The following CEP70 variants were observed in gnomAD, a reference collection of about 807,000 sequenced individuals.
CEP70 encodes the protein centrosomal protein of 70 kDa.
Under a neutral mutation model 90.9 loss-of-function variants are expected in CEP70, and 70 were observed. The observed-to-expected ratio is 0.77, with a 90% CI of 0.64 to 0.94. The LOEUF (loss-of-function observed/expected upper bound fraction) is 0.94, where lower values mean the gene tolerates loss of function less well. Ranked by LOEUF, CEP70 falls within the 40% of genes least tolerant of loss-of-function variation. CEP70 has a pLI of 0.00. For missense variants in CEP70, 648 were observed against 669.0 expected, an observed-to-expected ratio of 0.97 and a Z score of 0.35; for synonymous variants, 220 against 228.3, an observed-to-expected ratio of 0.96 and a Z score of 0.33.
At chr3:138,559,363 C>T (rs1321381915) in intron 6 of CEP70, among the ~76,000 whole-genome samples, 1 of 152,178 alleles carries the variant, frequency 6.6e-6, no homozygotes, top group Non-Finnish European at 1.5e-5. Flanking sequence ...TCAAGCTACA[C>T]GCTCAAGAAA....
intron 2 of CEP70, among the ~76,000 whole-genome samples, chr3:138,573,745 T>C (rs934193720): frequency 8.5e-5 from 13 of 152,164 alleles, no homozygotes; most frequent in African/African-American, 3.1e-4. Flanking sequence ...AACAGAAATA[T>C]ATTAGCTGAG....
intron 7 of CEP70, among the ~76,000 whole-genome samples, chr3:138,534,604 GC>G (rs1428815512): frequency 1.3e-5 from 2 of 152,206 alleles, no homozygotes; most frequent in Non-Finnish European, 2.9e-5. Context: ...GAGGAAGCAT[GC>G]AACACTGCCG....
chr3:138,577,236 C>T (rs1160253975), intron 2 of CEP70, among the ~76,000 whole-genome samples: 3 of 152,134 alleles, frequency 2.0e-5, no homozygotes, highest in African/African-American at 2.4e-5. Context: ...AGGAGAAGTA[C>T]CTAATGTAAA....
intron 6 of CEP70, 79 bp from the exon 7 acceptor site, chr3:138,537,426 C>T (rs2038378371): frequency 2.1e-6 from 2 of 935,254 alleles, no homozygotes; most frequent in Non-Finnish European, 3.0e-6. Context: ...TACACAAAGG[C>T]ATCTTCATAG....
chr3:138,521,019 G>C (rs563426771), intron 11 of CEP70, among the ~76,000 whole-genome samples: 1 of 152,108 alleles, frequency 6.6e-6, no homozygotes, highest in Non-Finnish European at 1.5e-5. Context: ...CATGTTGGCC[G>C]GGCTGCTCTC....
chr3:138,504,172 A>G (rs7627685), intron 13 of CEP70, among the ~76,000 whole-genome samples: 62,360 of 152,016 alleles, frequency 0.41, 13,290 homozygotes, highest in Non-Finnish European at 0.45. Flanking sequence ...GATTTACACT[A>G]TTACTAATTA....
intron 11 of CEP70, among the ~76,000 whole-genome samples, chr3:138,515,467 C>CAAAAAAAAAAAAAA (rs145902706): frequency 6.1e-5 from 4 of 65,390 alleles, no homozygotes; most frequent in East Asian, 5.8e-4. Flanking sequence ...CATAGAAATG[C>CAAAAAAAAAAAAAA]AAAAAAAAAA....
intron 6 of CEP70, among the ~76,000 whole-genome samples, chr3:138,547,159 AG>A (rs2039274341): frequency 6.6e-6 from 1 of 152,206 alleles, no homozygotes; most frequent in African/African-American, 2.4e-5. Flanking sequence ...TCTGCAGCCA[AG>A]TGATGAGGGT....
chr3:138,500,708 G>A lies in CEP70; in HGVS notation c.1368+27C>T, dbSNP rs778543390. On this transcript the variant is annotated intron_variant, in intron 14 of 17. Coordinates refer to ENST00000264982, the MANE Select transcript of CEP70 (RefSeq NM_024491.4). ...TCAGTTTTTGAGATAAGAAACATTA[G>A]AAGGTGACCGTTCATGTAGGTATTA... 1.4e-5 allele frequency: 22 copies of A among 1,553,284 alleles called. No homozygotes were observed. The Admixed American group carries it at 3.7e-4, about 26-fold the overall frequency.
At chr3:138,570,636 A>G (rs1313994383) in intron 5 of CEP70, 138 bp from the exon 6 acceptor site, 3 of 659,318 alleles carry the variant, frequency 4.6e-6, no homozygotes, top group Non-Finnish European at 7.4e-6. Flanking sequence ...ACCAGAAGTG[A>G]TTCATATTTC....
intron 11 of CEP70, among the ~76,000 whole-genome samples, chr3:138,510,433 C>CAAA (rs58172702): frequency 7.0e-6 from 1 of 142,470 alleles, no homozygotes; most frequent in Non-Finnish European, 1.5e-5. Flanking sequence ...ACTCCATCTC[C>CAAA]AAAAAAAAAA....
At chr3:138,529,740 T>G (rs2037636853) in intron 8 of CEP70, among the ~76,000 whole-genome samples, 1 of 152,158 alleles carries the variant, frequency 6.6e-6, no homozygotes, top group Admixed American at 6.5e-5. Flanking sequence ...AGAAAAAGTA[T>G]GGAATATAAG....
intron 11 of CEP70, among the ~76,000 whole-genome samples, chr3:138,514,611 T>G (rs2035836236): frequency 6.6e-6 from 1 of 152,094 alleles, no homozygotes; most frequent in African/African-American, 2.4e-5. Flanking sequence ...AAGTAAATTT[T>G]TTTAAGTTTT....
intron 8 of CEP70, among the ~76,000 whole-genome samples, chr3:138,531,119 G>A (rs769468624): frequency 3.8e-4 from 58 of 152,108 alleles, no homozygotes; most frequent in Non-Finnish European, 5.4e-4. Context: ...GACAATTGAT[G>A]AAAAGCTTTT....
At chr3:138,568,992 A>AC (rs1246446389) in intron 6 of CEP70, among the ~76,000 whole-genome samples, 1 of 149,130 alleles carries the variant, frequency 6.7e-6, no homozygotes, top group African/African-American at 2.5e-5. Context: ...TAAAAAAACA[A>AC]ACAAAAAAAA....
chr3:138,518,327 T>G lies in CEP70; in HGVS notation c.944+7163A>C, dbSNP rs149978494. On this transcript the variant is annotated intron_variant, in intron 11 of 17. Coordinates refer to ENST00000264982, the MANE Select transcript of CEP70 (RefSeq NM_024491.4). ...AATGTCCCTGTCTGACAGCTTTGGA[T>G]AGAGTAGTGGTTCTCCCAGCTCGCA... Among the ~76,000 whole-genome samples, 720 of 152,286 alleles carry G rather than the reference T, an allele frequency of 4.7e-3. 4 individuals are homozygous for G. The highest frequency in any genetic ancestry group is 0.017 in the African/African-American group (693 of 41,550).
chr3:138,522,500 G>T (rs2036769233), intron 11 of CEP70, among the ~76,000 whole-genome samples: 2 of 152,044 alleles, frequency 1.3e-5, no homozygotes, highest in African/African-American at 4.8e-5. Context: ...GAAGAAAAGA[G>T]AGAAGAATCA....
chr3:138,551,745 T>TAAAA (rs758898786), intron 6 of CEP70, among the ~76,000 whole-genome samples: 1 of 82,320 alleles, frequency 1.2e-5, no homozygotes, highest in Admixed American at 1.2e-4. Context: ...AAACTCCATC[T>TAAAA]AAAAAAAAAA....
At chr3:138,517,031 T>C (rs1290891812) in intron 11 of CEP70, among the ~76,000 whole-genome samples, 2 of 152,184 alleles carry the variant, frequency 1.3e-5, no homozygotes, top group Non-Finnish European at 2.9e-5. Flanking sequence ...GCTCACTGCA[T>C]TCCTTCTGGT....
Sources: gnomAD v4.1 joint callset for allele counts (sites outside exome capture counted in the v4.1 genomes callset) on GRCh38, gnomAD v4.1.1 for gene constraint, MANE v1.5 for transcripts, NCBI Gene and HGNC (gene_info 2026-07-23, HGNC 2026-07-21) for gene names.